The following TBC1D4 variants were observed in gnomAD, a reference collection of about 807,000 sequenced individuals.
The protein encoded by TBC1D4 is TBC (Tre-2, BUB2, CDC16) domain-containing protein.
In TBC1D4, 121 loss-of-function variants were observed where a neutral mutation model predicts 142.5. The ratio of observed to expected loss-of-function variants is 0.85; its 90% CI spans 0.73 to 0.99. The LOEUF is 0.99. TBC1D4 is among the 50% of genes least tolerant of loss of function. TBC1D4 has a pLI of 0.00. For synonymous variants in TBC1D4, 630 were observed against 628.2 expected (o/e 1.00, Z -0.04); for missense variants, 1,475 against 1,606.6 (o/e 0.92, Z 1.40).
At chr13:75,408,587 T>C (rs2138383298) in intron 1 of TBC1D4, among the ~76,000 whole-genome samples, 1 of 152,314 alleles carries the variant, frequency 6.6e-6, no homozygotes, top group African/African-American at 2.4e-5. Context: ...GGTAGATAAC[T>C]GGGAGTCGAA....
At chr13:75,423,091 G>A (rs1399145559) in intron 1 of TBC1D4, among the ~76,000 whole-genome samples, 1 of 152,102 alleles carries the variant, frequency 6.6e-6, no homozygotes, top group African/African-American at 2.4e-5. Context: ...TAAGGGAAAA[G>A]TTTCCAAAAG....
intron 8 of TBC1D4, among the ~76,000 whole-genome samples, chr13:75,334,650 C>T (rs1227609651): frequency 6.6e-6 from 1 of 152,020 alleles, no homozygotes; most frequent in South Asian, 2.1e-4. Context: ...GTGGCATGAT[C>T]TCAGCTCACT....
chr13:75,480,873 G>GCACACA (rs71657792), intron 1 of TBC1D4, among the ~76,000 whole-genome samples: 6 of 98,886 alleles, frequency 6.1e-5, no homozygotes, highest in African/African-American at 1.8e-4. Flanking sequence ...GCGCGCACAC[G>GCACACA]CACGCACACA....
intron 8 of TBC1D4, among the ~76,000 whole-genome samples, chr13:75,333,026 A>C (rs4883995): frequency 6.6e-6 from 1 of 152,204 alleles, no homozygotes; most frequent in South Asian, 2.1e-4. Context: ...AAAACAATAC[A>C]CATTTGCAAA....
chr13:75,430,924 T>C (rs1886569883), intron 1 of TBC1D4, among the ~76,000 whole-genome samples: 1 of 152,136 alleles, frequency 6.6e-6, no homozygotes, highest in Non-Finnish European at 1.5e-5. Flanking sequence ...CAGAATGTCC[T>C]TGCTGATAAC....
intron 1 of TBC1D4, among the ~76,000 whole-genome samples, chr13:75,475,654 C>T (rs1888603140): frequency 6.6e-6 from 1 of 152,284 alleles, no homozygotes; most frequent in South Asian, 2.1e-4. Flanking sequence ...CTAGAAAATT[C>T]ATGGAAATCA....
chr13:75,463,470 A>G (rs1473673871), intron 1 of TBC1D4, among the ~76,000 whole-genome samples: 1 of 152,188 alleles, frequency 6.6e-6, no homozygotes, highest in East Asian at 1.9e-4. Context: ...CCCACACTGG[A>G]GATTCTGATT....
chr13:75,411,316 A>C (rs1248094839), intron 1 of TBC1D4, among the ~76,000 whole-genome samples: 2 of 152,226 alleles, frequency 1.3e-5, no homozygotes, highest in African/African-American at 4.8e-5. Context: ...GGCTTAACGT[A>C]AAATCTCATT....
intron 1 of TBC1D4, among the ~76,000 whole-genome samples, chr13:75,385,335 C>T (rs1884102713): frequency 6.6e-6 from 1 of 152,176 alleles, no homozygotes; most frequent in East Asian, 1.9e-4. Flanking sequence ...CCACGCAAAA[C>T]GTTTGTGAAG....
Position 75,467,680 on chromosome 13 carries a change from T to C in TBC1D4, c.498+13590A>G, listed in dbSNP as rs533221348. 1.9e-3 allele frequency among the ~76,000 whole-genome samples: 296 copies of C among 152,284 alleles called. 1 individual carries two copies. The highest frequency in any genetic ancestry group is 3.4e-3 in the Non-Finnish European group (231 of 68,006). ...TTTTCTAGAAAAATAAAGTTATCTT[T>C]CCTTGTGTAGTTTTTTCTTTAAAGT... On this transcript the variant is annotated intron_variant, in intron 1 of 20. Coordinates refer to ENST00000377636, the MANE Select transcript of TBC1D4 (RefSeq NM_014832.5).
chr13:75,419,249 T>C (rs947606074), intron 1 of TBC1D4, among the ~76,000 whole-genome samples: 2 of 152,262 alleles, frequency 1.3e-5, no homozygotes, highest in African/African-American at 4.8e-5. Flanking sequence ...TGTTGCAATC[T>C]AAGAGGTGTC....
Position 75,476,984 on chromosome 13 carries a change from T to G in TBC1D4, c.498+4286A>C, listed in dbSNP as rs141304988. On this transcript the variant is annotated intron_variant, in intron 1 of 20. Coordinates refer to ENST00000377636, the MANE Select transcript of TBC1D4 (RefSeq NM_014832.5). ...GCTTAGGGCTCCTATCATAATGTGC[T>G]CCATTGTGGCTGGGAGTCTCTGGGC... 5.0e-3 allele frequency among the ~76,000 whole-genome samples: 766 copies of G among 152,306 alleles called. 5 individuals carry two copies. Among genetic ancestry groups the G allele is most frequent in the African/African-American group, 0.018 (742 of 41,554 alleles).
intron 1 of TBC1D4, among the ~76,000 whole-genome samples, chr13:75,388,060 C>G (rs2138286881): frequency 6.6e-6 from 1 of 152,312 alleles, no homozygotes; most frequent in South Asian, 2.1e-4. Flanking sequence ...AAATTCCCAG[C>G]CTTGTGGCCC....
intron 1 of TBC1D4, among the ~76,000 whole-genome samples, chr13:75,439,901 T>C (rs906143522): frequency 3.6e-4 from 55 of 152,108 alleles, no homozygotes; most frequent in Non-Finnish European, 5.7e-4. Flanking sequence ...CTGGTATATA[T>C]GCAATATTCC....
intron 4 of TBC1D4, among the ~76,000 whole-genome samples, chr13:75,354,619 G>T (rs934339820): frequency 6.6e-6 from 1 of 152,128 alleles, no homozygotes; most frequent in Non-Finnish European, 1.5e-5. Context: ...GGGGGATCCA[G>T]AACATGACAG....
chr13:75,325,295 T>A (rs565338036), intron 10 of TBC1D4, among the ~76,000 whole-genome samples: 46 of 152,286 alleles, frequency 3.0e-4, no homozygotes, highest in African/African-American at 1.0e-3. Flanking sequence ...ATCTCATTTT[T>A]AAATTTCGAG....
intron 1 of TBC1D4, among the ~76,000 whole-genome samples, chr13:75,455,934 A>C (rs1343573216): frequency 6.6e-6 from 1 of 152,120 alleles, no homozygotes; most frequent in Non-Finnish European, 1.5e-5. Flanking sequence ...CAAGAAGCAA[A>C]AGGACTTCTC....
At chr13:75,291,942 A>C (rs1040070454) in intron 19 of TBC1D4, among the ~76,000 whole-genome samples, 160 bp downstream of exon 19, 1 of 152,216 alleles carries the variant, frequency 6.6e-6, no homozygotes, top group African/African-American at 2.4e-5. Context: ...AGCCAGATAG[A>C]AAATGTCACA....
At chr13:75,455,376 A>T (rs1887689313) in intron 1 of TBC1D4, among the ~76,000 whole-genome samples, 3 of 151,818 alleles carry the variant, frequency 2.0e-5, no homozygotes, top group African/African-American at 7.2e-5. Context: ...TTATAATTAT[A>T]TTTATGTAAT....
Sources: allele counts gnomAD v4.1 joint callset (sites outside exome capture counted in the v4.1 genomes callset), GRCh38; gene constraint gnomAD v4.1.1; transcripts MANE v1.5; gene names NCBI Gene and HGNC (gene_info 2026-07-23, HGNC 2026-07-21).